The following SCYL2 variants were observed in gnomAD, a reference collection of about 807,000 sequenced individuals.
The protein encoded by SCYL2 is SCY1 like pseudokinase 2, also known as SCY1-like protein 2.
A neutral mutation model predicts 100.4 loss-of-function variants in SCYL2; 36 were observed. That is an observed-to-expected ratio of 0.36 (90% CI 0.27 to 0.47). SCYL2 has a LOEUF of 0.47. Ranked by LOEUF, SCYL2 falls within the 20% of genes least tolerant of loss-of-function variation. The pLI is 1.00. For missense variants in SCYL2, 902 were observed against 1,083.9 expected, an observed-to-expected ratio of 0.83 and a Z score of 2.36; for synonymous variants, 330 against 359.2, an observed-to-expected ratio of 0.92 and a Z score of 0.92.
At chr12:100,330,742 A>G (rs922048709) in intron 13 of SCYL2, among the ~76,000 whole-genome samples, 3 of 152,086 alleles carry the variant, frequency 2.0e-5, no homozygotes, top group Admixed American at 2.0e-4. Context: ...GGAGGTAGAG[A>G]AATTTATAAA....
intron 3 of SCYL2, among the ~76,000 whole-genome samples, chr12:100,294,405 G>T (rs1269274709): frequency 3.1e-5 from 3 of 96,374 alleles, no homozygotes; most frequent in African/African-American, 1.2e-4. Context: ...CCTCCCTCCC[G>T]GACGGGGCGG....
At chr12:100,320,543 G>A (rs926021727) in intron 10 of SCYL2, among the ~76,000 whole-genome samples, 13 of 127,208 alleles carry the variant, frequency 1.0e-4, no homozygotes, top group East Asian at 2.7e-4. Context: ...GTGAGACTCC[G>A]TCTCAAAAAT....
chr12:100,305,171 C>A (rs1249891857), intron 4 of SCYL2, among the ~76,000 whole-genome samples: 1 of 152,174 alleles, frequency 6.6e-6, no homozygotes, highest in Non-Finnish European at 1.5e-5. Flanking sequence ...ACATCTACAG[C>A]ACTCTCCATC....
chr12:100,302,382 A>T (rs1485027879), intron 4 of SCYL2, among the ~76,000 whole-genome samples: 1 of 152,152 alleles, frequency 6.6e-6, no homozygotes, highest in Admixed American at 6.5e-5. Flanking sequence ...GTGTTTTTGC[A>T]GTGGCTGGTA....
intron 3 of SCYL2, among the ~76,000 whole-genome samples, chr12:100,295,300 G>A (rs1566352316): frequency 2.6e-5 from 4 of 152,210 alleles, no homozygotes; most frequent in East Asian, 3.9e-4. Flanking sequence ...CGGGGTGGCG[G>A]CCGGGCAGAG....
chr12:100,303,381 G>T (rs182906932), intron 4 of SCYL2, among the ~76,000 whole-genome samples: 1 of 152,100 alleles, frequency 6.6e-6, no homozygotes, highest in Non-Finnish European at 1.5e-5. Flanking sequence ...TCATCTTCAT[G>T]GATTTATCTA....
chr12:100,280,013 A>G (rs892601329), intron 1 of SCYL2, among the ~76,000 whole-genome samples: 11 of 152,234 alleles, frequency 7.2e-5, no homozygotes, highest in Admixed American at 6.5e-5. Flanking sequence ...CAATTCAGCT[A>G]GATAGCTACT....
chr12:100,301,446 G>A (rs2096327539), intron 4 of SCYL2, among the ~76,000 whole-genome samples: 2 of 151,984 alleles, frequency 1.3e-5, no homozygotes, highest in Non-Finnish European at 2.9e-5. Context: ...CCACTCTGTG[G>A]GTTGTCTTTT....
intron 10 of SCYL2, 115 bp from the exon 11 acceptor site, chr12:100,323,410 T>C (rs2096358340): frequency 3.1e-6 from 2 of 650,782 alleles, no homozygotes; most frequent in Admixed American, 3.1e-5. Flanking sequence ...ATAATATATA[T>C]GAAAATTTGT....
chr12:100,330,994 A>G (rs1952202925), intron 13 of SCYL2, among the ~76,000 whole-genome samples: 1 of 150,904 alleles, frequency 6.6e-6, no homozygotes, highest in Admixed American at 6.6e-5. Flanking sequence ...ATGCCTGGCT[A>G]ATTTTTGTAG....
intron 3 of SCYL2, among the ~76,000 whole-genome samples, chr12:100,292,213 C>T (rs963369768): frequency 1.1e-4 from 16 of 152,348 alleles, no homozygotes; most frequent in African/African-American, 3.4e-4. Context: ...GCTTGTGGCA[C>T]TTTTAATACT....
intron 1 of SCYL2, among the ~76,000 whole-genome samples, chr12:100,280,437 C>T (rs1035403415): frequency 3.3e-5 from 5 of 152,148 alleles, no homozygotes; most frequent in African/African-American, 1.2e-4. Context: ...AGATTAGGAA[C>T]TGCTACCTTA....
chr12:100,283,659 G>A (rs964585818), intron 2 of SCYL2, among the ~76,000 whole-genome samples: 9 of 152,122 alleles, frequency 5.9e-5, no homozygotes, highest in Admixed American at 1.3e-4. Flanking sequence ...TATATGGGTT[G>A]TAAAATGTAA....
intron 12 of SCYL2, chr12:100,327,103 G>T (rs891875082): frequency 3.3e-6 from 1 of 304,476 alleles, no homozygotes; most frequent in Non-Finnish European, 6.5e-6. Flanking sequence ...ATTTGTAAGA[G>T]GCAAAGTATT....
chr12:100,294,167 C>G (rs1398093000), intron 3 of SCYL2, among the ~76,000 whole-genome samples: 5 of 145,612 alleles, frequency 3.4e-5, no homozygotes, highest in Non-Finnish European at 6.1e-5. Flanking sequence ...GCTGACTCCC[C>G]CACCTCCCTC....
intron 3 of SCYL2, 143 bp from the exon 4 acceptor site, chr12:100,297,888 A>G: frequency 3.0e-6 from 2 of 665,692 alleles, no homozygotes; most frequent in Admixed American, 7.3e-5. Flanking sequence ...GTTTAAGTGG[A>G]TTATGTCTAT....
chr12:100,282,040 CAG>C (rs1216400883), intron 1 of SCYL2, among the ~76,000 whole-genome samples: 2 of 151,950 alleles, frequency 1.3e-5, no homozygotes, highest in African/African-American at 4.8e-5. Context: ...GTTTTTGAGA[CAG>C]AGTCTGGTGC....
Position 100,312,567 on chromosome 12 carries a change from A to G in SCYL2, c.766A>G (p.Met256Val), listed in dbSNP as rs781371309. 6 of 1,612,898 alleles carry G rather than the reference A, an allele frequency of 3.7e-6. No homozygotes were observed. The highest frequency in any genetic ancestry group is 1.6e-4 in the Middle Eastern group (1 of 6,076). ...TGATATGTATTCTTTAGGAACTGTT[A>G]TGTATGCTGTATTTAATAAAGGGAA... ...ASDMYSLGTV[M>V]YAVFNKGKPI... The change falls in exon 6 of 18, where the codon ATG (methionine) becomes GTG (valine). Residue 256 changes from methionine to valine, a missense_variant. Met to Val is a conservative substitution (Grantham distance 21). Coordinates refer to ENST00000360820, the MANE Select transcript of SCYL2 (RefSeq NM_017988.6).
Position 100,291,502 on chromosome 12 carries a change from G to C in SCYL2, c.178-1G>C. 1 of 1,516,526 alleles carries C rather than the reference G, an allele frequency of 6.6e-7. No homozygotes were observed. Among genetic ancestry groups the C allele is most frequent in the Non-Finnish European group, 8.9e-7 (1 of 1,124,446 alleles). 93.9% of individuals were successfully genotyped at this position (1,516,526 alleles called of 1,614,324 possible). On this transcript the variant is annotated splice_acceptor_variant, in intron 2 of 17. Transcript: ENST00000360820. LOFTEE classifies it high-confidence loss of function. ...TAAAATTACACAATTCTTTTATTTA[G>C]GAAGTGGCAGTTTTTGTCTTTGATA...
Sources: allele counts gnomAD v4.1 joint callset (sites outside exome capture counted in the v4.1 genomes callset), GRCh38; gene constraint gnomAD v4.1.1; transcripts MANE v1.5; gene names NCBI Gene and HGNC (gene_info 2026-07-23, HGNC 2026-07-21).